The following PCCA variants were observed in gnomAD, a reference collection of about 807,000 sequenced individuals.
PCCA encodes propionyl-CoA carboxylase alpha chain, mitochondrial.
In PCCA, 74 loss-of-function variants were observed where a neutral mutation model predicts 101.3. The ratio of observed to expected loss-of-function variants is 0.73; its 90% confidence interval spans 0.61 to 0.89. The LOEUF is 0.89. PCCA is among the 40% of genes least tolerant of loss of function. The pLI, the probability that PCCA is intolerant of heterozygous loss-of-function variation, is 0.00. For synonymous variants in PCCA, 294 were observed against 313.6 expected, an observed-to-expected ratio of 0.94 and a Z score of 0.66; for missense variants, 891 against 907.0, an observed-to-expected ratio of 0.98 and a Z score of 0.23.
intron 12 of PCCA, among the ~76,000 whole-genome samples, chr13:100,276,982 G>A (rs1443027903): frequency 6.6e-6 from 1 of 152,102 alleles, no homozygotes; most frequent in Non-Finnish European, 1.5e-5. Flanking sequence ...TTTAAAAATT[G>A]TTATTAATCA....
chr13:100,142,460 G>C (rs1032906086), intron 4 of PCCA, among the ~76,000 whole-genome samples: 2 of 150,556 alleles, frequency 1.3e-5, no homozygotes, highest in African/African-American at 2.4e-5. Flanking sequence ...ATCTCTATGA[G>C]ATGAAATGAG....
At chr13:100,348,954 T>G (rs1376792514) in intron 18 of PCCA, among the ~76,000 whole-genome samples, 2 of 147,208 alleles carry the variant, frequency 1.4e-5, no homozygotes, top group Non-Finnish European at 3.0e-5. Context: ...TTTCTTTTCT[T>G]TCTTTCTTTC....
chr13:100,177,809 C>A (rs1020772831), intron 6 of PCCA, among the ~76,000 whole-genome samples: 1 of 152,108 alleles, frequency 6.6e-6, no homozygotes, highest in Non-Finnish European at 1.5e-5. Flanking sequence ...TCCCATCATA[C>A]TGATTATGTT....
Position 100,207,886 on chromosome 13 carries a change from C to T in PCCA, c.469-1446C>T, listed in dbSNP as rs188916755. On this transcript the variant is annotated intron_variant, in intron 6 of 23. Coordinates refer to ENST00000376285, the MANE Select transcript of PCCA (RefSeq NM_000282.4). ...TACAAAAATTAGCTGGGCGTGGTGG[C>T]GCGCTCCTGTAGTCCCAGCTACTCG... Among the ~76,000 whole-genome samples, 137 of 151,904 alleles carry T rather than the reference C, an allele frequency of 9.0e-4. 1 individual carries two copies. In the East Asian group the frequency reaches 0.022, roughly 24 times the overall value.
chr13:100,491,555 C>A, intron 21 of PCCA: 1 of 612,114 alleles, frequency 1.6e-6, no homozygotes, highest in Non-Finnish European at 2.7e-6. Flanking sequence ...TACTGACTCA[C>A]TGCAAACAGC....
intron 6 of PCCA, among the ~76,000 whole-genome samples, chr13:100,161,992 T>A (rs2054525898): frequency 6.6e-6 from 1 of 152,142 alleles, no homozygotes; most frequent in Admixed American, 6.5e-5. Flanking sequence ...AAATTAGGAT[T>A]TCTTTCCATC....
At chr13:100,207,017 C>G (rs910691598) in intron 6 of PCCA, among the ~76,000 whole-genome samples, 1 of 152,178 alleles carries the variant, frequency 6.6e-6, no homozygotes, top group Non-Finnish European at 1.5e-5. Context: ...TTAACTGTTT[C>G]TTTGGATTTT....
At chr13:100,173,739 AGC>A (rs2055955364) in intron 6 of PCCA, among the ~76,000 whole-genome samples, 1 of 69,750 alleles carries the variant, frequency 1.4e-5, no homozygotes, top group African/African-American at 5.6e-5. Context: ...CTTGAATTGT[AGC>A]TCCTCTAATC....
intron 1 of PCCA, among the ~76,000 whole-genome samples, chr13:100,097,752 T>C (rs969950627): frequency 2.0e-5 from 3 of 152,118 alleles, no homozygotes; most frequent in African/African-American, 7.2e-5. Flanking sequence ...CGAATACTTA[T>C]GTTAACAAAG....
intron 4 of PCCA, among the ~76,000 whole-genome samples, chr13:100,140,347 G>A (rs943146561): frequency 6.6e-6 from 1 of 152,174 alleles, no homozygotes; most frequent in African/African-American, 2.4e-5. Context: ...GGCTCTTGCT[G>A]GCATCTATGT....
intron 17 of PCCA, among the ~76,000 whole-genome samples, chr13:100,339,737 G>A (rs774961493): frequency 4.7e-4 from 72 of 152,134 alleles, no homozygotes; most frequent in African/African-American, 9.4e-4. Flanking sequence ...TTGACCAGCC[G>A]CTCTCCTTTT....
chr13:100,393,202 G>A (rs962239880), intron 19 of PCCA, among the ~76,000 whole-genome samples: 5 of 152,130 alleles, frequency 3.3e-5, no homozygotes, highest in African/African-American at 9.7e-5. Flanking sequence ...ATGATTATAT[G>A]AGCTCACCAT....
At chr13:100,436,572 G>T (rs1436096687) in intron 20 of PCCA, among the ~76,000 whole-genome samples, 2 of 152,240 alleles carry the variant, frequency 1.3e-5, no homozygotes, top group Non-Finnish European at 2.9e-5. Flanking sequence ...GTTCTAGGAA[G>T]TTGGCGTGAA....
chr13:100,299,667 G>A (rs1174860600), intron 12 of PCCA, among the ~76,000 whole-genome samples: 2 of 152,162 alleles, frequency 1.3e-5, no homozygotes, highest in East Asian at 1.9e-4. Context: ...TCACCTATCA[G>A]GGATGTGTGA....
At chr13:100,201,570 G>A (rs13378764) in intron 6 of PCCA, among the ~76,000 whole-genome samples, 23,654 of 151,876 alleles carry the variant, frequency 0.16, 1,958 homozygotes, top group Non-Finnish European at 0.18. Context: ...ACAAAAACAG[G>A]CAGTGAGGCT....
rs148853327 is a variant in PCCA at position 100,488,129 on chromosome 13, G to C, written c.1900-27298G>C. On this transcript the variant is annotated intron_variant, in intron 21 of 23. Transcript: ENST00000376285. ...TATTTTTGAGACGGAGGTTCGCTCT[G>C]GTTGCCCAGGCAGGAGTGCAATGGC... Among the ~76,000 whole-genome samples the C allele has an allele frequency of 2.8e-4, 43 of 151,950 alleles. 1 individual carries two copies. The East Asian group carries it at 8.3e-3, about 29-fold the overall frequency.
chr13:100,448,297 A>G (rs1443270464), intron 20 of PCCA, among the ~76,000 whole-genome samples: 2 of 152,106 alleles, frequency 1.3e-5, no homozygotes, highest in East Asian at 1.9e-4. Flanking sequence ...GGTCCAAGCA[A>G]TTCTTCTGCC....
Position 100,349,444 on chromosome 13 carries a change from G to A in PCCA, c.1643+9185G>A, listed in dbSNP as rs546762591. Among the ~76,000 whole-genome samples, 4 of 150,998 alleles carry A rather than the reference G, an allele frequency of 2.6e-5. No individual in the cohort carries two copies. In the East Asian group the frequency reaches 5.9e-4, roughly 22 times the overall value. On this transcript the variant is annotated intron_variant, in intron 18 of 23. Coordinates refer to ENST00000376285, the MANE Select transcript of PCCA (RefSeq NM_000282.4). ...GCCTGGCCTAATTTTTGTATTTTTC[G>A]TAGAGACTGGGTTTTGCCCTGCTGG...
intron 21 of PCCA, among the ~76,000 whole-genome samples, chr13:100,465,146 G>C (rs1403097494): frequency 6.6e-6 from 1 of 152,166 alleles, no homozygotes; most frequent in Non-Finnish European, 1.5e-5. Flanking sequence ...TGAAAATACA[G>C]ATTCCCAGAT....
Sources: gnomAD v4.1 joint callset for allele counts (sites outside exome capture counted in the v4.1 genomes callset) on GRCh38, gnomAD v4.1.1 for gene constraint, MANE v1.5 for transcripts, NCBI Gene and HGNC (gene_info 2026-07-23, HGNC 2026-07-21) for gene names.